MALRD1: variants seen among roughly 807,000 people sequenced by gnomAD.
MALRD1 encodes MAM and LDL receptor class A domain containing 1, also known as MAM and LDL-receptor class A domain-containing protein 1.
A neutral mutation model predicts 242.1 loss-of-function variants in MALRD1; 247 were observed. The observed-to-expected ratio is 1.02, with a 90% CI of 0.92 to 1.13. The LOEUF is 1.13. MALRD1 is among the 50% of genes most tolerant of loss of function. The pLI, the probability that MALRD1 is intolerant of heterozygous loss-of-function variation, is 0.00. For synonymous variants in MALRD1, 995 were observed against 866.6 expected (o/e 1.15, Z -2.60); for missense variants, 2,989 against 2,533.1 (o/e 1.18, Z -3.86).
At chr10:19,305,876 A>C (rs1210453975) in intron 21 of MALRD1, among the ~76,000 whole-genome samples, 2 of 130,806 alleles carry the variant, frequency 1.5e-5, no homozygotes, top group South Asian at 4.4e-4. Context: ...TATATTATAT[A>C]ATATATATAA....
chr10:19,177,508 C>T (rs928478425), intron 14 of MALRD1, among the ~76,000 whole-genome samples: 1 of 151,918 alleles, frequency 6.6e-6, no homozygotes, highest in African/African-American at 2.4e-5. Flanking sequence ...TCATAAAGGT[C>T]ACAGCTGACA....
At chr10:19,491,765 T>A in intron 30 of MALRD1, 120 bp downstream of exon 30, 7 of 1,107,310 alleles carry the variant, frequency 6.3e-6, no homozygotes, top group Non-Finnish European at 8.7e-6. Context: ...TAGAGTAGAT[T>A]TAGAATAGCC....
At chr10:19,681,503 C>T (rs1842371039) in intron 36 of MALRD1, among the ~76,000 whole-genome samples, 1 of 152,052 alleles carries the variant, frequency 6.6e-6, no homozygotes, top group Non-Finnish European at 1.5e-5. Flanking sequence ...TTTTTCTGCA[C>T]CATCAGGTTA....
At chr10:19,104,242 T>C (rs2131337133) in intron 5 of MALRD1, among the ~76,000 whole-genome samples, 167 bp downstream of exon 5, 1 of 152,298 alleles carries the variant, frequency 6.6e-6, no homozygotes, top group East Asian at 1.9e-4. Flanking sequence ...ATACTGGGAG[T>C]GAAGTTTGGC....
At chr10:19,477,284 T>A (rs144062451) in intron 29 of MALRD1, among the ~76,000 whole-genome samples, 1 of 152,308 alleles carries the variant, frequency 6.6e-6, no homozygotes, top group East Asian at 1.9e-4. Context: ...AAATTGTCAA[T>A]GAATTAACTA....
At chr10:19,235,861 G>A (rs1220613547) in intron 18 of MALRD1, among the ~76,000 whole-genome samples, 4 of 152,034 alleles carry the variant, frequency 2.6e-5, no homozygotes, top group African/African-American at 9.7e-5. Flanking sequence ...TGTTTTTAAG[G>A]TATTTCAAAC....
chr10:19,447,069 GACACACACACACAC>G (rs374350237), intron 28 of MALRD1, among the ~76,000 whole-genome samples: 2 of 141,810 alleles, frequency 1.4e-5, no homozygotes, highest in South Asian at 2.3e-4. Context: ...CACATACACA[GACACACACACACAC>G]ACACACACAC....
chr10:19,097,173 T>C (rs2131318171), intron 4 of MALRD1, among the ~76,000 whole-genome samples: 1 of 152,348 alleles, frequency 6.6e-6, no homozygotes, highest in Non-Finnish European at 1.5e-5. Context: ...GATGATTTAC[T>C]TCATAATTCA....
At chr10:19,575,046 G>C (rs1836739751) in intron 33 of MALRD1, among the ~76,000 whole-genome samples, 1 of 152,162 alleles carries the variant, frequency 6.6e-6, no homozygotes, top group African/African-American at 2.4e-5. Flanking sequence ...CTCTCAAGGA[G>C]TTTACAATCT....
rs751624555 is a variant in MALRD1, at chr10:19,171,455, T to TACAC, written c.1831-3752_1831-3751insCACA. On this transcript the variant is annotated intron_variant, in intron 13 of 39. Coordinates refer to ENST00000454679, the MANE Select transcript of MALRD1 (RefSeq NM_001142308.3). ...ATATATATATATATATATATATATATATACACACATGTATATACACACACA... is the reference window on the plus strand; with the variant it reads ...ATATATATATATATATATATATATATACACATACACACATGTATATACACACACA... Among the ~76,000 whole-genome samples, 3 of 83,130 alleles carry TACAC rather than the reference T, an allele frequency of 3.6e-5. 1 individual carries two copies. The highest frequency in any genetic ancestry group is 3.0e-4 in the Admixed American group (2 of 6,728). The allele number at this position is 83,130 out of a possible 152,430, so 54.5% of individuals were successfully genotyped here. A position where few individuals can be genotyped will look rare whatever the true frequency, so the allele number is the denominator to read the frequency against.
At chr10:19,438,199 A>G (rs1320957056) in intron 28 of MALRD1, among the ~76,000 whole-genome samples, 12 of 152,002 alleles carry the variant, frequency 7.9e-5, no homozygotes, top group African/African-American at 1.2e-4. Flanking sequence ...GGTGTCTTAT[A>G]TAAGTGGAAT....
chr10:19,237,568 TTATATATA>T (rs1838383621), intron 18 of MALRD1, among the ~76,000 whole-genome samples: 1 of 116,886 alleles, frequency 8.6e-6, no homozygotes, highest in Non-Finnish European at 1.7e-5. Context: ...ACACATAAAA[TTATATATA>T]ATTATAATTA....
At chr10:19,504,839 C>T (rs544047353) in intron 31 of MALRD1, among the ~76,000 whole-genome samples, 20 of 150,780 alleles carry the variant, frequency 1.3e-4, no homozygotes, top group East Asian at 2.0e-4. Flanking sequence ...CCCGCCACCG[C>T]GCCCGGCTAA....
At chr10:19,314,271 G>A (rs367617814) in intron 21 of MALRD1, among the ~76,000 whole-genome samples, 1 of 151,590 alleles carries the variant, frequency 6.6e-6, no homozygotes, top group Admixed American at 6.6e-5. Flanking sequence ...TACATGGAAG[G>A]TGCTGTAGAA....
chr10:19,695,153 A>G (rs966732530), intron 38 of MALRD1, among the ~76,000 whole-genome samples: 7 of 152,142 alleles, frequency 4.6e-5, no homozygotes, highest in African/African-American at 9.7e-5. Flanking sequence ...GCACACCAAC[A>G]TGGTGCATGT....
At chr10:19,453,303 A>G (rs1835428343) in intron 29 of MALRD1, among the ~76,000 whole-genome samples, 1 of 152,200 alleles carries the variant, frequency 6.6e-6, no homozygotes, top group Non-Finnish European at 1.5e-5. Context: ...TATGAAATGT[A>G]CAGAACAGAC....
At chr10:19,219,816 G>A (rs901538778) in intron 18 of MALRD1, among the ~76,000 whole-genome samples, 26 of 84,552 alleles carry the variant, frequency 3.1e-4, no homozygotes, top group African/African-American at 9.7e-4. Context: ...GATAGTGCCT[G>A]CAGATCTGGG....
intron 18 of MALRD1, among the ~76,000 whole-genome samples, chr10:19,233,434 G>A (rs555399213): frequency 3.3e-5 from 5 of 152,240 alleles, no homozygotes; most frequent in South Asian, 2.1e-4. Context: ...CCTGGGAGGT[G>A]GGGGTTACAG....
At chr10:19,172,204 T>C (rs1032132199) in intron 13 of MALRD1, among the ~76,000 whole-genome samples, 2 of 148,318 alleles carry the variant, frequency 1.3e-5, no homozygotes, top group African/African-American at 4.9e-5. Flanking sequence ...CACATATATA[T>C]ATGTATATGT....
Sources: allele counts gnomAD v4.1 joint callset (sites outside exome capture counted in the v4.1 genomes callset), GRCh38; gene constraint gnomAD v4.1.1; transcripts MANE v1.5; gene names NCBI Gene and HGNC (gene_info 2026-07-23, HGNC 2026-07-21).